Variants in TRIO observed in about 807,000 individuals in gnomAD.
The protein encoded by TRIO is triple functional domain protein.
In TRIO, 58 loss-of-function variants were observed where a neutral mutation model predicts 351.9. That is an observed-to-expected ratio of 0.16 (90% CI 0.13 to 0.21). TRIO has a LOEUF of 0.21. Ranked by LOEUF, TRIO falls within the 10% of genes least tolerant of loss-of-function variation. The pLI, the probability that TRIO is intolerant of heterozygous loss-of-function variation, is 1.00. For synonymous variants in TRIO, 1,758 were observed against 1,595.7 expected (o/e 1.10, Z -2.42); for missense variants, 3,201 against 4,027.8 (o/e 0.79, Z 5.56).
Position 14,225,086 on chromosome 5 carries a change from C to T in TRIO, c.158-45739C>T, listed in dbSNP as rs164716. Among the ~76,000 whole-genome samples, 741 of 152,164 alleles carry T rather than the reference C, an allele frequency of 4.9e-3. 6 individuals are homozygous for T. Among genetic ancestry groups the T allele is most frequent in the African/African-American group, 0.017 (691 of 41,488 alleles). On this transcript the variant is annotated intron_variant, in intron 1 of 56. Coordinates refer to ENST00000344204, the MANE Select transcript of TRIO (RefSeq NM_007118.4). ...GATGGTGTGCTCCTTGTGACAGGAC[C>T]CTACAGCCCTAGAGCATAGCCTTCC...
intron 1 of TRIO, among the ~76,000 whole-genome samples, chr5:14,174,543 G>A (rs1789292890): frequency 1.3e-5 from 2 of 152,186 alleles, no homozygotes; most frequent in South Asian, 2.1e-4. Flanking sequence ...TGATGGTCAC[G>A]TGATGGGTCA....
At chr5:14,278,266 C>T (rs1415739076) in intron 2 of TRIO, among the ~76,000 whole-genome samples, 3 of 152,130 alleles carry the variant, frequency 2.0e-5, no homozygotes, top group Non-Finnish European at 2.9e-5. Context: ...TCAGAATGGC[C>T]GTGCGCATTG....
intron 1 of TRIO, among the ~76,000 whole-genome samples, chr5:14,175,617 A>C (rs1012762655): frequency 6.6e-6 from 1 of 152,226 alleles, no homozygotes; most frequent in Non-Finnish European, 1.5e-5. Flanking sequence ...GTTAGAAATG[A>C]TGAGACTCAG....
rs373630440 is a variant in TRIO at position 14,488,236 on chromosome 5, C to A, written c.7608C>A (p.Ser2536=). Residue 2536 remains serine, a synonymous_variant, in exon 48 of 57, where the codon TCC becomes TCA. Transcript: ENST00000344204. ...CGTGCTCCTCGGCCAGCGAGCAGTC[C>A]GTGCAGTCCACCCAGAGCAACGGGG... ...MSTCSSASEQ[S]VQSTQSNGSE... 27 of 1,583,054 alleles carry A rather than the reference C, an allele frequency of 1.7e-5. No homozygotes were observed. The African/African-American group carries it at 3.5e-4, about 20-fold the overall frequency.
At chr5:14,427,005 A>AAATG (rs1454971476) in intron 34 of TRIO, among the ~76,000 whole-genome samples, 1 of 152,162 alleles carries the variant, frequency 6.6e-6, no homozygotes, top group Admixed American at 6.5e-5. Context: ...TCACTTCTTT[A>AAATG]AATGAATGAA....
chr5:14,259,701 A>T (rs1384213685), intron 1 of TRIO, among the ~76,000 whole-genome samples: 1 of 152,238 alleles, frequency 6.6e-6, no homozygotes, highest in Non-Finnish European at 1.5e-5. Flanking sequence ...TACAACAAAT[A>T]GAAGGATCTG....
At chr5:14,285,646 G>A (rs60869481) in intron 3 of TRIO, among the ~76,000 whole-genome samples, 11,720 of 152,090 alleles carry the variant, frequency 0.077, 1,538 homozygotes, top group African/African-American at 0.27. Context: ...GATAGCAATT[G>A]GTTTTCCAGG....
chr5:14,509,753 G>A lies in TRIO; in HGVS notation c.*1331G>A, dbSNP rs1426995779. 1.2e-5 allele frequency: 3 copies of A among 240,022 alleles called. No homozygotes were observed. The East Asian group carries it at 4.5e-4, about 36-fold the overall frequency. 14.9% of individuals were successfully genotyped at this position (240,022 alleles called of 1,614,324 possible). A position where few individuals can be genotyped will look rare whatever the true frequency, so the allele number is the denominator to read the frequency against. ...GTGGCAGCATTCGCACTGGTGTGGG[G>A]AGTCCTTTCAACTCAAGGAGGCTGG... On this transcript the variant is annotated 3_prime_UTR_variant, in exon 57 of 57. Coordinates refer to ENST00000344204, the MANE Select transcript of TRIO (RefSeq NM_007118.4).
intron 1 of TRIO, among the ~76,000 whole-genome samples, chr5:14,171,343 T>C (rs1449366636): frequency 6.6e-6 from 1 of 152,220 alleles, no homozygotes; most frequent in Non-Finnish European, 1.5e-5. Flanking sequence ...CAGTAAATAA[T>C]CACTGCTTTT....
rs757775333 is a variant in TRIO at position 14,358,228 on chromosome 5, T to C, written c.2097T>C (p.Tyr699=). 3.1e-6 allele frequency: 5 copies of C among 1,613,976 alleles called. No individual in the cohort carries two copies. In the African/African-American group the frequency reaches 5.3e-5, roughly 17 times the overall value. The part of the protein sequence containing the change: ...ELQKELLDDV[Y]AESVEAVQDL... ...AGAAGGAGCTGCTGGACGACGTGTA[T>C]GCCGAGTCGGTGGAGGCCGTGCAGG... Residue 699 remains tyrosine (Y), a synonymous_variant, in exon 12 of 57, where the codon TAT becomes TAC. Coordinates refer to ENST00000344204, the MANE Select transcript of TRIO (RefSeq NM_007118.4).
intron 33 of TRIO, among the ~76,000 whole-genome samples, chr5:14,410,277 C>T (rs1338716679): frequency 6.6e-6 from 1 of 152,142 alleles, no homozygotes; most frequent in Non-Finnish European, 1.5e-5. Context: ...CGTGTGCCTG[C>T]GTTTGTGTGT....
At chr5:14,397,230 C>T in intron 29 of TRIO, 76 bp downstream of exon 29, 1 of 1,128,038 alleles carries the variant, frequency 8.9e-7, no homozygotes, top group Non-Finnish European at 1.3e-6. Flanking sequence ...TTTCCTGAAC[C>T]CTAAAAATCC....
chr5:14,328,360 T>C (rs1561346731), intron 9 of TRIO, among the ~76,000 whole-genome samples: 1 of 152,256 alleles, frequency 6.6e-6, no homozygotes, highest in Non-Finnish European at 1.5e-5. Context: ...GTTAAAACAA[T>C]GCACTCGTTA....
chr5:14,401,046 T>C lies in TRIO; in HGVS notation c.4698T>C (p.Asp1566=). ...ALWVGRTPTS[D]NKIVLKASSI... ...GGGTGGGGAGAACACCAACTTCAGA[T>C]AATAAAATTGTCCTTAAGGTACGTT... Residue 1566 remains aspartate, a synonymous_variant, in exon 31 of 57, where the codon GAT becomes GAC. Coordinates refer to ENST00000344204, the MANE Select transcript of TRIO (RefSeq NM_007118.4). 6.2e-7 allele frequency: 1 copy of C among 1,614,156 alleles called. No individual in the cohort carries two copies. The highest frequency in any genetic ancestry group is 8.5e-7 in the Non-Finnish European group (1 of 1,180,010).
intron 19 of TRIO, among the ~76,000 whole-genome samples, chr5:14,376,585 G>C (rs768801933): frequency 8.5e-5 from 13 of 152,134 alleles, no homozygotes; most frequent in Non-Finnish European, 7.4e-5. Context: ...AGAATTTAAA[G>C]ATCTGCTGTT....
chr5:14,275,046 AAC>A (rs1463052385), intron 2 of TRIO, among the ~76,000 whole-genome samples: 3 of 152,154 alleles, frequency 2.0e-5, no homozygotes, highest in Non-Finnish European at 2.9e-5. Context: ...TCTGGGGGAA[AAC>A]ACACACACGC....
At chr5:14,346,687 G>T (rs562879459) in intron 11 of TRIO, among the ~76,000 whole-genome samples, 1 of 152,356 alleles carries the variant, frequency 6.6e-6, no homozygotes, top group East Asian at 1.9e-4. Flanking sequence ...CTGGCTTGAG[G>T]AAGGACATGT....
intron 31 of TRIO, among the ~76,000 whole-genome samples, chr5:14,402,024 T>C (rs922465248): frequency 3.9e-5 from 6 of 152,220 alleles, no homozygotes; most frequent in South Asian, 2.1e-4. Flanking sequence ...CATAAGATTT[T>C]TGTTCATATG....
intron 14 of TRIO, 111 bp from the exon 15 acceptor site, chr5:14,364,539 G>GCC: frequency 1.5e-6 from 2 of 1,354,628 alleles, no homozygotes; most frequent in Non-Finnish European, 2.0e-6. Flanking sequence ...TAATGGCTTG[G>GCC]CCCCCAGCTG....
Sources: gnomAD v4.1 joint callset for allele counts (sites outside exome capture counted in the v4.1 genomes callset) on GRCh38, gnomAD v4.1.1 for gene constraint, MANE v1.5 for transcripts, NCBI Gene and HGNC (gene_info 2026-07-23, HGNC 2026-07-21) for gene names.